The following THRAP3 variants were observed in gnomAD, a reference collection of about 807,000 sequenced individuals.
The protein encoded by THRAP3 is thyroid hormone receptor associated protein 3, also known as thyroid hormone receptor-associated protein 3.
A neutral mutation model predicts 101.0 loss-of-function variants in THRAP3; 16 were observed. The ratio of observed to expected loss-of-function variants is 0.16; its 90% CI spans 0.11 to 0.24. The LOEUF (loss-of-function observed/expected upper bound fraction) is 0.24, where lower values mean the gene tolerates loss of function less well. THRAP3 is among the 10% of genes least tolerant of loss of function. THRAP3 has a pLI of 1.00. For missense variants in THRAP3, 989 were observed against 1,202.7 expected (o/e 0.82, Z 2.63); for synonymous variants, 407 against 422.6 (o/e 0.96, Z 0.45).
chr1:36,242,816 T>C (rs193162175), intron 1 of THRAP3, among the ~76,000 whole-genome samples: 19 of 152,364 alleles, frequency 1.2e-4, no homozygotes, highest in African/African-American at 2.6e-4. Context: ...TTTGTACTTA[T>C]AGAATTTTGT....
chr1:36,301,528 C>A (rs1646030274), intron 10 of THRAP3, 25 bp from the exon 11 acceptor site: 1 of 1,607,174 alleles, frequency 6.2e-7, no homozygotes, highest in Non-Finnish European at 8.5e-7. Context: ...ATCCTTTGTT[C>A]TTTTTCCCTC....
At chr1:36,295,031 C>G (rs1645926961) in intron 8 of THRAP3, among the ~76,000 whole-genome samples, 1 of 152,128 alleles carries the variant, frequency 6.6e-6, no homozygotes, top group African/African-American at 2.4e-5. Context: ...TGACACCAGC[C>G]TGACCTACAT....
chr1:36,267,414 G>T (rs552699009), intron 2 of THRAP3, among the ~76,000 whole-genome samples: 5 of 152,078 alleles, frequency 3.3e-5, no homozygotes, highest in African/African-American at 4.8e-5. Context: ...TTTTACTGAT[G>T]AAAAAATAGA....
At chr1:36,216,523 C>T in the THRAP3 span, among the ~76,000 whole-genome samples, 8 of 146,312 alleles carry the variant, frequency 5.5e-5, no homozygotes, top group Non-Finnish European at 8.9e-5. Context: ...AAAAAAATGC[C>T]GGGTGTGGTG....
chr1:36,272,072 G>T (rs1241022581), intron 2 of THRAP3, among the ~76,000 whole-genome samples: 3 of 151,824 alleles, frequency 2.0e-5, no homozygotes, highest in South Asian at 2.1e-4. Flanking sequence ...TAGAGACAGG[G>T]TCTTGCCATG....
chr1:36,303,304 A>G lies in THRAP3; in HGVS notation c.2647-492A>G, dbSNP rs577246328. 1.2e-4 allele frequency among the ~76,000 whole-genome samples: 18 copies of G among 152,042 alleles called. No individual in the cohort carries two copies. In the East Asian group the frequency reaches 3.3e-3, roughly 28 times the overall value. The stretch of plus-strand genomic sequence containing the variant: ...TTAGCTGCCTAACAACCCAGTTCAC[A>G]TGGAGTTGCACGTTTTGGTGTGATT... On this transcript the variant is annotated intron_variant, in intron 11 of 11. Transcript: ENST00000354618.
At chr1:36,257,951 C>T (rs1054659220) in intron 1 of THRAP3, among the ~76,000 whole-genome samples, 2 of 152,218 alleles carry the variant, frequency 1.3e-5, no homozygotes, top group African/African-American at 4.8e-5. Flanking sequence ...AGGGATTCTC[C>T]TGCCTCAGCC....
the THRAP3 span, among the ~76,000 whole-genome samples, chr1:36,209,543 C>G: frequency 6.6e-6 from 1 of 152,062 alleles, no homozygotes; most frequent in African/African-American, 2.4e-5. Flanking sequence ...TAGAATTGTC[C>G]CTGGTTGGGA....
chr1:36,243,969 G>A (rs1278268216), intron 1 of THRAP3, among the ~76,000 whole-genome samples: 1 of 139,432 alleles, frequency 7.2e-6, no homozygotes, highest in Non-Finnish European at 1.6e-5. Flanking sequence ...GGCGGGCGGG[G>A]GGCTGAACCC....
intron 1 of THRAP3, among the ~76,000 whole-genome samples, chr1:36,247,920 C>A (rs1645251166): frequency 6.7e-6 from 1 of 148,400 alleles, no homozygotes; most frequent in African/African-American, 2.5e-5. Flanking sequence ...TGTCACCCCG[C>A]CCAGGCTGGA....
chr1:36,221,336 G>C (rs1226228458), upstream of THRAP3, among the ~76,000 whole-genome samples: 2 of 151,520 alleles, frequency 1.3e-5, no homozygotes, highest in Non-Finnish European at 2.9e-5. Flanking sequence ...AATGCTATCA[G>C]AGCACTGCAC....
chr1:36,229,410 T>TTG (rs1287817528), intron 1 of THRAP3, among the ~76,000 whole-genome samples: 1 of 28,402 alleles, frequency 3.5e-5, no homozygotes, highest in African/African-American at 7.2e-5. Flanking sequence ...GTTTTTTTTT[T>TTG]TGTTTTTTTT....
chr1:36,236,078 C>T (rs1645083877), intron 1 of THRAP3, among the ~76,000 whole-genome samples: 1 of 150,952 alleles, frequency 6.6e-6, no homozygotes, highest in Non-Finnish European at 1.5e-5. Context: ...GAAACCCCGT[C>T]TCTACTAAAA....
At chr1:36,239,891 A>G (rs948636878) in intron 1 of THRAP3, among the ~76,000 whole-genome samples, 1 of 152,098 alleles carries the variant, frequency 6.6e-6, no homozygotes, top group Admixed American at 6.6e-5. Flanking sequence ...CATCTTAATC[A>G]TTTGTTTTTG....
At chr1:36,217,089 C>T in the THRAP3 span, among the ~76,000 whole-genome samples, 1 of 152,136 alleles carries the variant, frequency 6.6e-6, no homozygotes. Context: ...ATGTGCCCAC[C>T]AAATGAATGA....
At chr1:36,219,085 TAAG>T in the THRAP3 span, among the ~76,000 whole-genome samples, 1 of 147,182 alleles carries the variant, frequency 6.8e-6, no homozygotes, top group Non-Finnish European at 1.5e-5. Flanking sequence ...ATGAATTTGA[TAAG>T]AAGGCAAAAC....
At chr1:36,220,972 A>AAAAAAAAAAAAATATAT (rs1285765741), upstream of THRAP3, among the ~76,000 whole-genome samples, 1 of 94,140 alleles carries the variant, frequency 1.1e-5, no homozygotes, top group African/African-American at 4.8e-5. Flanking sequence ...AAAAAAAAAA[A>AAAAAAAAAAAAATATAT]ATATATATAT....
At chr1:36,208,561 T>G in the THRAP3 span, among the ~76,000 whole-genome samples, 2 of 152,206 alleles carry the variant, frequency 1.3e-5, no homozygotes, top group African/African-American at 2.4e-5. Flanking sequence ...ATTGAGGAAC[T>G]GCAAAACAAC....
chr1:36,246,987 T>G (rs1645239082), intron 1 of THRAP3, among the ~76,000 whole-genome samples: 1 of 152,164 alleles, frequency 6.6e-6, no homozygotes, highest in Non-Finnish European at 1.5e-5. Flanking sequence ...ATTGAGGGCT[T>G]CAGTTTTCTC....
Sources: gnomAD v4.1 joint callset for allele counts (sites outside exome capture counted in the v4.1 genomes callset) on GRCh38, gnomAD v4.1.1 for gene constraint, MANE v1.5 for transcripts, NCBI Gene and HGNC (gene_info 2026-07-23, HGNC 2026-07-21) for gene names.